The following CNTN3 variants were observed in gnomAD, a reference collection of about 807,000 sequenced individuals.
The protein encoded by CNTN3 is contactin-3.
A neutral mutation model predicts 119.1 loss-of-function variants in CNTN3; 60 were observed. That is an observed-to-expected ratio of 0.50 (90% CI 0.41 to 0.62). CNTN3 has a LOEUF of 0.62. Ranked by LOEUF, CNTN3 falls within the 20% of genes least tolerant of loss-of-function variation. The probability of loss-of-function intolerance (pLI) is 0.00; values close to 1 mark genes in which losing one functional copy is unlikely to be tolerated. For missense variants in CNTN3, 1,101 were observed against 1,242.4 expected (o/e 0.89, Z 1.71); for synonymous variants, 450 against 438.7 (o/e 1.03, Z -0.32).
chr3:74,318,539 T>C (rs1702896234), intron 13 of CNTN3, among the ~76,000 whole-genome samples: 1 of 152,172 alleles, frequency 6.6e-6, no homozygotes, highest in African/African-American at 2.4e-5. Context: ...TTCTGTTAGT[T>C]TTCCTTCTAA....
intron 4 of CNTN3, among the ~76,000 whole-genome samples, chr3:74,430,240 A>C (rs946801376): frequency 1.4e-4 from 21 of 152,164 alleles, no homozygotes; most frequent in African/African-American, 5.1e-4. Flanking sequence ...GAAACAACCC[A>C]AGTTCCTTCA....
Position 74,371,180 on chromosome 3 carries a change from G to C in CNTN3, c.658+16C>G, listed in dbSNP as rs1326106814. On this transcript the variant is annotated intron_variant, in intron 6 of 22. Transcript: ENST00000263665. ...ACCATTTACGCTCAGAAGTGCACTT[G>C]GAGAAGTTTCATTACCATCAGAACG... 1 of 1,597,716 alleles carries C rather than the reference G, an allele frequency of 6.3e-7. No individual in the cohort carries two copies. The highest frequency in any genetic ancestry group is 1.7e-5 in the Admixed American group (1 of 59,846).
chr3:74,444,622 T>C (rs1702020080), intron 4 of CNTN3, among the ~76,000 whole-genome samples: 1 of 152,088 alleles, frequency 6.6e-6, no homozygotes, highest in Non-Finnish European at 1.5e-5. Context: ...TGCCTTGGTG[T>C]CCCCTTTCCC....
At chr3:74,281,841 G>A (rs1702019051) in intron 20 of CNTN3, among the ~76,000 whole-genome samples, 2 of 152,146 alleles carry the variant, frequency 1.3e-5, no homozygotes, top group Non-Finnish European at 2.9e-5. Context: ...CAATAATTCA[G>A]TTTTATTAAA....
chr3:74,438,611 T>C (rs1375301423), intron 4 of CNTN3, among the ~76,000 whole-genome samples: 1 of 152,234 alleles, frequency 6.6e-6, no homozygotes, highest in South Asian at 2.1e-4. Context: ...TAGGCATGTC[T>C]GTCTCTCCAG....
intron 2 of CNTN3, among the ~76,000 whole-genome samples, chr3:74,510,189 C>A (rs1426305864): frequency 5.9e-5 from 9 of 151,962 alleles, no homozygotes; most frequent in Non-Finnish European, 1.3e-4. Flanking sequence ...TTCAGACTTT[C>A]CTGAGACCAC....
intron 4 of CNTN3, among the ~76,000 whole-genome samples, chr3:74,456,564 G>T (rs76173636): frequency 7.9e-5 from 12 of 152,160 alleles, no homozygotes; most frequent in Non-Finnish European, 7.4e-5. Flanking sequence ...AACACAAAAA[G>T]ATCATCTGTT....
At chr3:74,369,062 C>T in intron 8 of CNTN3, 127 bp downstream of exon 8, 2 of 605,170 alleles carry the variant, frequency 3.3e-6, no homozygotes, top group Non-Finnish European at 5.0e-6. Context: ...CATCACTTAA[C>T]AAAATGTTTA....
intron 4 of CNTN3, among the ~76,000 whole-genome samples, chr3:74,434,188 T>TG (rs1701830291): frequency 6.6e-6 from 1 of 152,242 alleles, no homozygotes; most frequent in South Asian, 2.1e-4. Flanking sequence ...GTCACTTGAT[T>TG]GCCCTGTGTC....
intron 2 of CNTN3, among the ~76,000 whole-genome samples, chr3:74,511,553 C>T (rs1241068219): frequency 2.0e-5 from 3 of 152,000 alleles, no homozygotes; most frequent in Non-Finnish European, 4.4e-5. Flanking sequence ...CCTGTAGTCC[C>T]AGCTACTTGG....
At chr3:74,406,589 A>C (rs1705328810) in intron 5 of CNTN3, among the ~76,000 whole-genome samples, 1 of 151,970 alleles carries the variant, frequency 6.6e-6, no homozygotes, top group South Asian at 2.1e-4. Flanking sequence ...TCATTCTAAA[A>C]TCTTACTTTT....
rs192268172 is a variant in CNTN3 at position 74,400,193 on chromosome 3, A to T, written c.454+24652T>A. Among the ~76,000 whole-genome samples, 783 of 152,336 alleles carry T rather than the reference A, an allele frequency of 5.1e-3. 7 individuals are homozygous for T. The highest frequency in any genetic ancestry group is 0.018 in the African/African-American group (750 of 41,572). On this transcript the variant is annotated intron_variant, in intron 5 of 22. Transcript: ENST00000263665. ...CAGTAAACTTTACACAAAGAAAAAA[A>T]ATCTCCAAATTAACATAAGGCTCTT...
chr3:74,376,451 C>T (rs535781177), intron 5 of CNTN3, among the ~76,000 whole-genome samples: 18 of 152,196 alleles, frequency 1.2e-4, no homozygotes, highest in East Asian at 9.7e-4. Flanking sequence ...TACTGTGAAC[C>T]GAACATGTGA....
intron 14 of CNTN3, 88 bp downstream of exon 14, chr3:74,302,602 C>T (rs565422195): frequency 1.3e-6 from 1 of 772,176 alleles, no homozygotes; most frequent in Non-Finnish European, 2.3e-6. Flanking sequence ...CTCGTATGCT[C>T]ACATACTATC....
At chr3:74,491,680 G>C (rs1284677607) in intron 3 of CNTN3, among the ~76,000 whole-genome samples, 1 of 152,092 alleles carries the variant, frequency 6.6e-6, no homozygotes, top group Non-Finnish European at 1.5e-5. Flanking sequence ...TCAGTAGTAA[G>C]CTGTGACAGG....
intron 4 of CNTN3, among the ~76,000 whole-genome samples, chr3:74,479,136 A>C (rs1702713527): frequency 6.6e-6 from 1 of 152,044 alleles, no homozygotes; most frequent in South Asian, 2.1e-4. Flanking sequence ...TTCAAGATGC[A>C]AGTAATAATA....
intron 1 of CNTN3, among the ~76,000 whole-genome samples, chr3:74,573,602 A>G (rs1704368715): frequency 6.6e-6 from 1 of 152,184 alleles, no homozygotes; most frequent in African/African-American, 2.4e-5. Flanking sequence ...AACAATAAAA[A>G]GACAAATAAC....
chr3:74,487,780 G>A (rs1461797255), intron 3 of CNTN3, among the ~76,000 whole-genome samples: 1 of 151,870 alleles, frequency 6.6e-6, no homozygotes, highest in African/African-American at 2.4e-5. Context: ...AGTGCATAAA[G>A]TTAAATGGAA....
chr3:74,485,350 T>TA (rs1301972506), intron 4 of CNTN3, among the ~76,000 whole-genome samples: 1 of 152,044 alleles, frequency 6.6e-6, no homozygotes, highest in Non-Finnish European at 1.5e-5. Flanking sequence ...TTGTATAATA[T>TA]AAACATCACA....
Sources: gnomAD v4.1 joint callset for allele counts (sites outside exome capture counted in the v4.1 genomes callset) on GRCh38, gnomAD v4.1.1 for gene constraint, MANE v1.5 for transcripts, NCBI Gene and HGNC (gene_info 2026-07-23, HGNC 2026-07-21) for gene names.